The following DOCK11 variants were observed in gnomAD, a reference collection of about 807,000 sequenced individuals.
DOCK11 encodes the protein dedicator of cytokinesis 11.
DOCK11 carries 70 observed loss-of-function variants against 169.1 expected under a neutral mutation model. The ratio of observed to expected loss-of-function variants is 0.41; its 90% CI spans 0.34 to 0.51. DOCK11 has a LOEUF of 0.51. DOCK11 is among the 20% of genes least tolerant of loss of function. The pLI, the probability that DOCK11 is intolerant of heterozygous loss-of-function variation, is 0.10. For missense variants in DOCK11, 1,166 were observed against 1,538.8 expected (o/e 0.76, Z 4.05); for synonymous variants, 529 against 541.3 (o/e 0.98, Z 0.32).
chrX:118,538,669 T>C (rs1359306643), intron 1 of DOCK11: 1 of 748,874 alleles, frequency 1.3e-6, no homozygotes, highest in Admixed American at 8.8e-5. Context: ...CGGAACTGTA[T>C]GGAAGTTGCT....
At chrX:118,542,603 A>G (rs1360693410) in intron 1 of DOCK11, 122 bp from the exon 2 acceptor site, 4 of 530,923 alleles carry the variant, frequency 7.5e-6, no homozygotes, top group Admixed American at 3.1e-5. Flanking sequence ...AACTGTCTCA[A>G]TTAAGTACTT....
At chrX:118,541,206 C>T (rs1937178) in intron 1 of DOCK11, among the ~76,000 whole-genome samples, 26,407 of 111,246 alleles carry the variant, frequency 0.24, 2,411 homozygotes, top group East Asian at 0.29. Flanking sequence ...ATTCCCAGTT[C>T]AGTACCATGC....
chrX:118,518,292 C>G (rs2057702024), intron 1 of DOCK11, among the ~76,000 whole-genome samples: 1 of 111,550 alleles, frequency 9.0e-6, no homozygotes, highest in African/African-American at 3.3e-5. Flanking sequence ...GGCAGGGGCT[C>G]TTTCCCTCTC....
At position 118,572,545 on chromosome X, in the gene DOCK11, C is replaced by A. The variant is rs762086822; in HGVS notation, c.1176+82C>A. On this transcript the variant is annotated intron_variant, in intron 11 of 52. Transcript: ENST00000276202. The stretch of plus-strand genomic sequence containing the variant: ...TCTCAAAATAATTTGTACACCAAAC[C>A]TCCGTGACATGCAATTTACCTATAT... 34 of 967,142 alleles carry A rather than the reference C, an allele frequency of 3.5e-5. No homozygotes were observed. The South Asian group carries it at 1.1e-3, about 30-fold the overall frequency. The allele number at this position is 967,142 out of a possible 1,213,427, so 79.7% of individuals were successfully genotyped here.
At chrX:118,500,714 G>C (rs1250829735) in intron 1 of DOCK11, among the ~76,000 whole-genome samples, 1 of 110,451 alleles carries the variant, frequency 9.1e-6, no homozygotes, top group African/African-American at 3.3e-5. Flanking sequence ...TTGACCTTTG[G>C]GACTCAAGGG....
In DOCK11 at chrX:118,523,968, A is replaced by T. The variant is rs184775301; in HGVS notation, c.103-18757A>T. On this transcript the variant is annotated intron_variant, in intron 1 of 52. Coordinates refer to ENST00000276202, the MANE Select transcript of DOCK11 (RefSeq NM_144658.4). ...CTCCATTCAGTAGTGACAAATCTGC[A>T]TGTTTGTCTTCTATGTGAGAAGTTT... Among the ~76,000 whole-genome samples the T allele has an allele frequency of 5.4e-4, 60 of 111,605 alleles. No individual in the cohort carries two copies. The Admixed American group carries it at 5.4e-3, about 10-fold the overall frequency.
rs979707507 is a variant in DOCK11 at position 118,554,468 on chromosome X, C to T, written c.559-6915C>T. 2.7e-5 allele frequency among the ~76,000 whole-genome samples: 3 copies of T among 111,095 alleles called. No homozygotes were observed. In the South Asian group the frequency reaches 1.2e-3, roughly 43 times the overall value. On this transcript the variant is annotated intron_variant, in intron 6 of 52. Transcript: ENST00000276202. Reference sequence around the variant, plus strand: ...GGGAGGCTGAGGCACCAGAATCTCTCGAACCCGAGAGGCAGAGGTTGCAGT... The same window carrying T: ...GGGAGGCTGAGGCACCAGAATCTCTTGAACCCGAGAGGCAGAGGTTGCAGT...
At chrX:118,581,344 T>TA (rs771055210) in intron 14 of DOCK11, among the ~76,000 whole-genome samples, 25 of 109,811 alleles carry the variant, frequency 2.3e-4, no homozygotes, top group African/African-American at 4.3e-4. Flanking sequence ...TGCAGACTGG[T>TA]AAAAAAAAAT....
intron 8 of DOCK11, 86 bp downstream of exon 8, chrX:118,566,268 A>G (rs767808906): frequency 5.4e-5 from 48 of 886,791 alleles, no homozygotes; most frequent in Non-Finnish European, 7.4e-5. Flanking sequence ...TGAGTAGAGA[A>G]CTCTTAATCT....
chrX:118,525,495 T>C (rs1022150352), intron 1 of DOCK11, among the ~76,000 whole-genome samples: 1 of 110,027 alleles, frequency 9.1e-6, no homozygotes, highest in African/African-American at 3.3e-5. Flanking sequence ...AGACAGAAAA[T>C]AGAATAAAGG....
chrX:118,605,684 C>T (rs2014477837), intron 24 of DOCK11, among the ~76,000 whole-genome samples: 1 of 111,680 alleles, frequency 9.0e-6, no homozygotes, highest in African/African-American at 3.3e-5. Flanking sequence ...TGTTGTGTGG[C>T]CTAACATATA....
chrX:118,531,098 A>G (rs928604159), intron 1 of DOCK11, among the ~76,000 whole-genome samples: 1 of 110,741 alleles, frequency 9.0e-6, no homozygotes, highest in African/African-American at 3.3e-5. Context: ...CTCATCTCTT[A>G]CTAAATATTG....
rs1466930651 is a variant in DOCK11 at position 118,545,385 on chromosome X, AAGAT to A, written c.456_459del (p.Asp153ArgfsTer13). The A allele has an allele frequency of 8.4e-7, 1 of 1,186,794 alleles. No homozygotes were observed. The highest frequency in any genetic ancestry group is 1.1e-6 in the Non-Finnish European group (1 of 881,604). ...TTTGAGATAGATGAAGACTGTGAGA[AAGAT>A]GAGGTAAGAATGGGGGCAACAGTTG... On this transcript the variant is annotated frameshift_variant, in exon 5 of 53. Coordinates refer to ENST00000276202, the MANE Select transcript of DOCK11 (RefSeq NM_144658.4). LOFTEE classifies it high-confidence loss of function.
intron 44 of DOCK11, among the ~76,000 whole-genome samples, chrX:118,659,727 G>A (rs764907130): frequency 2.7e-5 from 3 of 111,507 alleles, no homozygotes; most frequent in Non-Finnish European, 5.7e-5. Flanking sequence ...ACCCAGACAC[G>A]ACTTTCAAAA....
chrX:118,605,851 C>G (rs1354535192), intron 24 of DOCK11, among the ~76,000 whole-genome samples: 2 of 111,672 alleles, frequency 1.8e-5, no homozygotes, highest in Non-Finnish European at 3.8e-5. Context: ...GTTGATCTGT[C>G]CATTGTTGAA....
intron 1 of DOCK11, among the ~76,000 whole-genome samples, chrX:118,514,038 C>A (rs2057666970): frequency 9.0e-6 from 1 of 111,543 alleles, no homozygotes; most frequent in Admixed American, 9.5e-5. Context: ...ATGGTGGGAA[C>A]AAGTGGAGGT....
At chrX:118,677,707 G>A (rs1426546746) in intron 48 of DOCK11, among the ~76,000 whole-genome samples, 1 of 112,152 alleles carries the variant, frequency 8.9e-6, no homozygotes, top group Non-Finnish European at 1.9e-5. Flanking sequence ...ACATGCCTAA[G>A]ACATTTAAAA....
chrX:118,672,022 C>T (rs948831617), intron 46 of DOCK11, among the ~76,000 whole-genome samples: 5 of 112,180 alleles, frequency 4.5e-5, no homozygotes, highest in South Asian at 7.2e-4. Context: ...CCTCTCAGAG[C>T]GTAAAATAAT....
intron 1 of DOCK11, among the ~76,000 whole-genome samples, chrX:118,504,373 C>T (rs372191960): frequency 1.1e-4 from 12 of 111,070 alleles, no homozygotes; most frequent in African/African-American, 3.6e-4. Flanking sequence ...ATATAGTGTG[C>T]GTGTGTAACT....
Sources: allele counts gnomAD v4.1 joint callset (sites outside exome capture counted in the v4.1 genomes callset), GRCh38; gene constraint gnomAD v4.1.1; transcripts MANE v1.5; gene names NCBI Gene and HGNC (gene_info 2026-07-23, HGNC 2026-07-21).